Variants in LNX1 observed in about 807,000 individuals in gnomAD.
LNX1 encodes ligand of numb-protein X 1.
LNX1 carries 54 observed loss-of-function variants against 68.4 expected under a neutral mutation model. The observed-to-expected ratio is 0.79, with a 90% CI of 0.63 to 0.99. The LOEUF is 0.99. Ranked by LOEUF, LNX1 falls within the 50% of genes least tolerant of loss-of-function variation. The pLI is 0.00. For missense variants in LNX1, 906 were observed against 926.4 expected (o/e 0.98, Z 0.29); for synonymous variants, 336 against 350.0 (o/e 0.96, Z 0.45).
chr4:53,464,321 C>G (rs1722479806), intron 9 of LNX1, among the ~76,000 whole-genome samples: 1 of 151,996 alleles, frequency 6.6e-6, no homozygotes, highest in Non-Finnish European at 1.5e-5. Flanking sequence ...GATCAGGTAC[C>G]TCTCAGTCTG....
At chr4:53,544,889 T>C (rs1729000196) in intron 2 of LNX1, among the ~76,000 whole-genome samples, 1 of 152,178 alleles carries the variant, frequency 6.6e-6, no homozygotes, top group Non-Finnish European at 1.5e-5. Flanking sequence ...CAGCCAGCAA[T>C]TGGCAGGGCC....
intron 2 of LNX1, among the ~76,000 whole-genome samples, chr4:53,531,882 A>G (rs1728046683): frequency 6.6e-6 from 1 of 152,120 alleles, no homozygotes; most frequent in African/African-American, 2.4e-5. Context: ...TCCTGGCAAT[A>G]TATTTATTTC....
chr4:53,557,876 T>C, intron 2 of LNX1: 2 of 1,613,118 alleles, frequency 1.2e-6, no homozygotes, highest in Non-Finnish European at 1.7e-6. Context: ...GGACTCACAG[T>C]TCTGAATACA....
chr4:53,651,947 C>A (rs1188726304), intron 1 of LNX1, among the ~76,000 whole-genome samples: 1 of 151,622 alleles, frequency 6.6e-6, no homozygotes, highest in African/African-American at 2.4e-5. Flanking sequence ...TGCCCTGAGG[C>A]CTTTCTAGTG....
rs115993470 is a variant in LNX1, at chr4:53,483,963, G to A, written c.1351-2109C>T. ...GCATTTGGAGGTAGGGCCTTTGGGA[G>A]GTGATTAGGTCATGAAGGCAGGTCC... On this transcript the variant is annotated intron_variant, in intron 6 of 10. Coordinates refer to ENST00000263925, the MANE Select transcript of LNX1 (RefSeq NM_001126328.3). Among the ~76,000 whole-genome samples the A allele has an allele frequency of 9.6e-3, 1,460 of 152,310 alleles. 22 individuals carry two copies. Among genetic ancestry groups the A allele is most frequent in the African/African-American group, 0.034 (1,397 of 41,566 alleles).
At chr4:53,530,506 A>G (rs1359515606) in intron 2 of LNX1, among the ~76,000 whole-genome samples, 23 of 152,264 alleles carry the variant, frequency 1.5e-4, no homozygotes, top group Admixed American at 1.5e-3. Flanking sequence ...CATCCATTGC[A>G]TATAAAGATC....
intron 2 of LNX1, among the ~76,000 whole-genome samples, chr4:53,598,510 G>A (rs1732857584): frequency 6.6e-6 from 1 of 152,158 alleles, no homozygotes; most frequent in Non-Finnish European, 1.5e-5. Context: ...TAGGACTAGA[G>A]GTGTGAGCCA....
chr4:53,507,583 G>A, intron 3 of LNX1, 114 bp from the exon 4 acceptor site: 4 of 1,174,296 alleles, frequency 3.4e-6, no homozygotes, highest in African/African-American at 1.6e-5. Flanking sequence ...CCTCTGGGTG[G>A]TAGGATTGTA....
At chr4:53,569,151 G>C (rs1356173355) in intron 2 of LNX1, among the ~76,000 whole-genome samples, 1 of 151,932 alleles carries the variant, frequency 6.6e-6, no homozygotes. Context: ...TCACAGAATT[G>C]GAAAAAACTA....
At chr4:53,582,198 G>A (rs1450679141) in intron 1 of LNX1, among the ~76,000 whole-genome samples, 1 of 152,154 alleles carries the variant, frequency 6.6e-6, no homozygotes, top group African/African-American at 2.4e-5. Context: ...CAGCTACAAT[G>A]ACAAAACAGT....
At chr4:53,639,359 A>G (rs1163934069) in intron 1 of LNX1, among the ~76,000 whole-genome samples, 1 of 152,142 alleles carries the variant, frequency 6.6e-6, no homozygotes, top group Non-Finnish European at 1.5e-5. Context: ...GGGGGTAAGG[A>G]TTGAAAAACT....
chr4:53,609,786 T>A (rs1733405313), intron 2 of LNX1, among the ~76,000 whole-genome samples: 1 of 145,292 alleles, frequency 6.9e-6, no homozygotes, highest in Non-Finnish European at 1.5e-5. Context: ...TATAATATAT[T>A]ATTTAAATAT....
At chr4:53,532,621 C>T (rs1258538189) in intron 2 of LNX1, among the ~76,000 whole-genome samples, 2 of 152,198 alleles carry the variant, frequency 1.3e-5, no homozygotes, top group African/African-American at 4.8e-5. Context: ...AGGAAATTCT[C>T]CTCATGCCAG....
intron 2 of LNX1, among the ~76,000 whole-genome samples, chr4:53,518,696 G>C (rs1196219751): frequency 1.3e-5 from 2 of 152,150 alleles, no homozygotes; most frequent in Non-Finnish European, 2.9e-5. Flanking sequence ...CTGGTAAGTG[G>C]AAGGGCTAGG....
At chr4:53,586,750 A>G (rs546012356) in intron 1 of LNX1, among the ~76,000 whole-genome samples, 1 of 152,312 alleles carries the variant, frequency 6.6e-6, no homozygotes, top group Non-Finnish European at 1.5e-5. Context: ...AAAAACTGCA[A>G]ATCTCAAATT....
At chr4:53,545,848 C>G (rs373582961) in intron 2 of LNX1, among the ~76,000 whole-genome samples, 1 of 147,654 alleles carries the variant, frequency 6.8e-6, no homozygotes, top group Non-Finnish European at 1.5e-5. Context: ...TACTCTGTCG[C>G]CCAGGCTGGA....
At chr4:53,602,203 A>G (rs1425705976) in intron 2 of LNX1, among the ~76,000 whole-genome samples, 4 of 152,190 alleles carry the variant, frequency 2.6e-5, no homozygotes, top group African/African-American at 9.6e-5. Flanking sequence ...CAAATCTGTG[A>G]CCTTGACATC....
intron 2 of LNX1, among the ~76,000 whole-genome samples, chr4:53,522,324 T>C (rs192299598): frequency 6.6e-6 from 1 of 152,282 alleles, no homozygotes; most frequent in Non-Finnish European, 1.5e-5. Context: ...TAGTGATCTC[T>C]CCCCTCTCAA....
At chr4:53,501,244 G>A (rs1195768932) in intron 4 of LNX1, among the ~76,000 whole-genome samples, 5 of 133,476 alleles carry the variant, frequency 3.7e-5, no homozygotes, top group Non-Finnish European at 7.7e-5. Flanking sequence ...TTTTTGTTTA[G>A]TCTTCACAAT....
Sources: gnomAD v4.1 joint callset for allele counts (sites outside exome capture counted in the v4.1 genomes callset) on GRCh38, gnomAD v4.1.1 for gene constraint, MANE v1.5 for transcripts, NCBI Gene and HGNC (gene_info 2026-07-23, HGNC 2026-07-21) for gene names.